PSD3: variants seen among roughly 807,000 people sequenced by gnomAD.
The protein encoded by PSD3 is PH and SEC7 domain-containing protein 3.
In PSD3, 49 loss-of-function variants were observed where a neutral mutation model predicts 105.5. That is an observed-to-expected ratio of 0.46 (90% CI 0.37 to 0.59). PSD3 has a LOEUF of 0.59. Among genes scored for constraint, PSD3 ranks in the 20% least tolerant of loss-of-function variants. PSD3 has a pLI of 0.00. For synonymous variants in PSD3, 557 were observed against 457.8 expected (o/e 1.22, Z -2.77); for missense variants, 1,561 against 1,263.8 (o/e 1.24, Z -3.57).
intron 1 of PSD3, among the ~76,000 whole-genome samples, chr8:18,984,834 AG>A (rs1825421481): frequency 6.6e-6 from 1 of 152,228 alleles, no homozygotes; most frequent in Non-Finnish European, 1.5e-5. Context: ...AAGACCTTGG[AG>A]GCTGTGAAGG....
chr8:19,036,982 C>A (rs879381106), intron 1 of PSD3, among the ~76,000 whole-genome samples: 7 of 152,194 alleles, frequency 4.6e-5, no homozygotes, highest in Non-Finnish European at 7.3e-5. Flanking sequence ...GTCTTATTGT[C>A]TTCAGCATCC....
intron 1 of PSD3, among the ~76,000 whole-genome samples, chr8:19,012,150 T>C (rs1240922949): frequency 6.6e-6 from 1 of 151,470 alleles, no homozygotes; most frequent in African/African-American, 2.4e-5. Flanking sequence ...TCCAAGTCCC[T>C]TTCTTGATAC....
At chr8:18,674,172 A>T (rs1799945746) in intron 9 of PSD3, among the ~76,000 whole-genome samples, 1 of 151,876 alleles carries the variant, frequency 6.6e-6, no homozygotes, top group South Asian at 2.1e-4. Context: ...GGTGGGAGGA[A>T]GGGTATGCGG....
At chr8:18,726,661 T>C (rs937892472) in intron 9 of PSD3, among the ~76,000 whole-genome samples, 2 of 152,228 alleles carry the variant, frequency 1.3e-5, no homozygotes, top group African/African-American at 4.8e-5. Context: ...GTCTGTTCTG[T>C]TGCATCTTTA....
At chr8:19,067,339 G>C (rs1324748216) in intron 1 of PSD3, among the ~76,000 whole-genome samples, 1 of 152,176 alleles carries the variant, frequency 6.6e-6, no homozygotes, top group East Asian at 1.9e-4. Flanking sequence ...GAGTTGGGAA[G>C]AAATTCAAGC....
At chr8:18,879,061 C>CAA (rs1208635853) in intron 2 of PSD3, among the ~76,000 whole-genome samples, 1 of 150,008 alleles carries the variant, frequency 6.7e-6, no homozygotes, top group African/African-American at 2.5e-5. Flanking sequence ...AACACACACA[C>CAA]ACACACACAC....
chr8:18,637,474 C>A (rs1467789058), intron 10 of PSD3, among the ~76,000 whole-genome samples: 1 of 152,200 alleles, frequency 6.6e-6, no homozygotes, highest in Non-Finnish European at 1.5e-5. Context: ...ATTTGGCCAA[C>A]TCCTCTCTCC....
intron 9 of PSD3, among the ~76,000 whole-genome samples, chr8:18,709,151 G>T (rs11203987): frequency 0.083 from 12,638 of 152,128 alleles, 1,129 homozygotes; most frequent in East Asian, 0.23. Flanking sequence ...CCAATTGGCC[G>T]TTTTCTCCTG....
intron 1 of PSD3, among the ~76,000 whole-genome samples, chr8:18,944,494 C>T (rs1293781008): frequency 6.6e-6 from 1 of 151,942 alleles, no homozygotes; most frequent in Non-Finnish European, 1.5e-5. Flanking sequence ...TCACTTGAAC[C>T]CAGGAGGTGG....
chr8:18,846,123 G>T (rs1485523998), intron 4 of PSD3, among the ~76,000 whole-genome samples: 4 of 152,166 alleles, frequency 2.6e-5, no homozygotes, highest in African/African-American at 7.2e-5. Flanking sequence ...AGAAAGATTT[G>T]CAGATTCCCT....
At chr8:18,866,286 G>A (rs182883080) in intron 4 of PSD3, among the ~76,000 whole-genome samples, 147 of 152,216 alleles carry the variant, frequency 9.7e-4, no homozygotes, top group South Asian at 6.2e-4. Flanking sequence ...ATGCCTCCTC[G>A]CCAGTACTCT....
At chr8:18,934,862 G>T (rs916994318) in intron 2 of PSD3, among the ~76,000 whole-genome samples, 1 of 151,990 alleles carries the variant, frequency 6.6e-6, no homozygotes, top group Non-Finnish European at 1.5e-5. Context: ...CTTTATCATC[G>T]GTTTTCCATA....
chr8:19,020,067 G>A (rs1041307868), intron 1 of PSD3, among the ~76,000 whole-genome samples: 2 of 152,038 alleles, frequency 1.3e-5, no homozygotes, highest in Non-Finnish European at 2.9e-5. Flanking sequence ...CTTCTTATGG[G>A]TAGTTATTCT....
At chr8:18,620,135 T>C (rs1481484000) in intron 11 of PSD3, among the ~76,000 whole-genome samples, 3 of 152,178 alleles carry the variant, frequency 2.0e-5, no homozygotes, top group Non-Finnish European at 4.4e-5. Context: ...AGCTTAACTC[T>C]CTCAACCAAT....
In PSD3 at chr8:18,684,250, A is replaced by C. The variant is rs868668928; in HGVS notation, c.2173-28565T>G. On this transcript the variant is annotated intron_variant, in intron 9 of 15. Transcript: ENST00000327040. ...CACACACACACACACACACACACAC[A>C]CCCCATCATATTCACACACTGGAAC... 253 of 170,536 alleles carry C rather than the reference A, an allele frequency of 1.5e-3. 1 individual carries two copies. The highest frequency in any genetic ancestry group is 6.4e-3 in the South Asian group (30 of 4,720). The allele number at this position is 170,536 out of a possible 1,614,324, so 10.6% of individuals were successfully genotyped here.
intron 14 of PSD3, among the ~76,000 whole-genome samples, chr8:18,565,945 C>T (rs181893767): frequency 3.3e-5 from 5 of 152,128 alleles, no homozygotes; most frequent in Admixed American, 1.3e-4. Context: ...GAGGCCCTCA[C>T]GACAAAGAAT....
intron 4 of PSD3, among the ~76,000 whole-genome samples, chr8:18,825,307 A>G (rs1462003783): frequency 3.3e-5 from 5 of 152,054 alleles, no homozygotes; most frequent in African/African-American, 1.2e-4. Flanking sequence ...AGACCACCAG[A>G]CTCTCCAAAT....
At chr8:18,570,437 A>C (rs1420173864) in intron 14 of PSD3, among the ~76,000 whole-genome samples, 18 of 132,530 alleles carry the variant, frequency 1.4e-4, no homozygotes, top group Non-Finnish European at 6.4e-5. Flanking sequence ...AAACACCAAA[A>C]GCAATGGCAA....
intron 1 of PSD3, among the ~76,000 whole-genome samples, chr8:19,041,346 A>C (rs935869878): frequency 2.0e-5 from 3 of 152,250 alleles, no homozygotes; most frequent in Non-Finnish European, 4.4e-5. Flanking sequence ...TGGGAGTGCC[A>C]TAGGGAATGT....
Sources: gnomAD v4.1 joint callset for allele counts (sites outside exome capture counted in the v4.1 genomes callset) on GRCh38, gnomAD v4.1.1 for gene constraint, MANE v1.5 for transcripts, NCBI Gene and HGNC (gene_info 2026-07-23, HGNC 2026-07-21) for gene names.